ZNF438: variants seen among roughly 807,000 people sequenced by gnomAD.
ZNF438 encodes the protein zinc finger protein 438.
In ZNF438, 25 loss-of-function variants were observed where a neutral mutation model predicts 38.0. That is an observed-to-expected ratio of 0.66 (90% CI 0.48 to 0.92). The LOEUF (loss-of-function observed/expected upper bound fraction) is 0.92. Among genes scored for constraint, ZNF438 ranks in the 40% least tolerant of loss-of-function variants. The pLI is 0.00. For missense variants in ZNF438, 1,007 were observed against 999.6 expected (o/e 1.01, Z -0.10); for synonymous variants, 372 against 364.1 (o/e 1.02, Z -0.25).
At chr10:30,873,401 T>C (rs543466265) in intron 4 of ZNF438, among the ~76,000 whole-genome samples, 11 of 152,342 alleles carry the variant, frequency 7.2e-5, no homozygotes, top group African/African-American at 2.6e-4. Context: ...AACATTTAAA[T>C]AGAAGAAACC....
intron 1 of ZNF438, among the ~76,000 whole-genome samples, chr10:30,949,299 C>A (rs956288142): frequency 6.6e-6 from 1 of 152,068 alleles, no homozygotes; most frequent in Non-Finnish European, 1.5e-5. Flanking sequence ...CAAAATCATG[C>A]CAAAATGTAA....
chr10:31,016,876 C>G, intron 1 of ZNF438, among the ~76,000 whole-genome samples: 1 of 152,180 alleles, frequency 6.6e-6, no homozygotes, highest in East Asian at 1.9e-4. Context: ...CTTCTTCCCA[C>G]TCTGAAATAG....
At chr10:30,901,566 G>C (rs1233974177) in intron 3 of ZNF438, among the ~76,000 whole-genome samples, 1 of 152,136 alleles carries the variant, frequency 6.6e-6, no homozygotes, top group African/African-American at 2.4e-5. Flanking sequence ...CGAATTCTAA[G>C]GAAAAATAGG....
chr10:30,850,639 A>G (rs568274967), intron 4 of ZNF438, among the ~76,000 whole-genome samples: 45 of 152,294 alleles, frequency 3.0e-4, no homozygotes, highest in Non-Finnish European at 4.6e-4. Context: ...GTGTATCTCT[A>G]CTAGTCAACA....
intron 1 of ZNF438, among the ~76,000 whole-genome samples, chr10:30,951,932 C>T (rs1417248369): frequency 3.3e-5 from 5 of 151,404 alleles, no homozygotes; most frequent in East Asian, 1.9e-4. Flanking sequence ...AAAAAGAGCC[C>T]GCATTGCCAA....
chr10:31,025,565 CT>C (rs1220084386), intron 1 of ZNF438, among the ~76,000 whole-genome samples: 1 of 152,136 alleles, frequency 6.6e-6, no homozygotes, highest in Non-Finnish European at 1.5e-5. Flanking sequence ...AAAATACTCC[CT>C]GTAGAATAGT....
intron 1 of ZNF438, among the ~76,000 whole-genome samples, chr10:30,983,544 C>T (rs527554497): frequency 6.6e-6 from 1 of 152,126 alleles, no homozygotes; most frequent in African/African-American, 2.4e-5. Context: ...TCCCATCAGG[C>T]CCCTCCTCCA....
chr10:31,025,792 T>G (rs187091582), intron 1 of ZNF438, among the ~76,000 whole-genome samples: 31 of 152,280 alleles, frequency 2.0e-4, no homozygotes, highest in Admixed American at 1.4e-3. Flanking sequence ...ATTTTAATTT[T>G]TAAGCAACCA....
chr10:30,914,328 G>C (rs781658478), intron 2 of ZNF438, among the ~76,000 whole-genome samples: 4 of 152,010 alleles, frequency 2.6e-5, no homozygotes, highest in Non-Finnish European at 5.9e-5. Flanking sequence ...GAAGTGGGAA[G>C]GTAGATGAGT....
chr10:30,883,897 A>G (rs1038971), intron 3 of ZNF438, among the ~76,000 whole-genome samples: 108,423 of 151,998 alleles, frequency 0.71, 39,183 homozygotes, highest in Non-Finnish European at 0.77. Flanking sequence ...TTTCACTCCA[A>G]AAAAAAGTGT....
intron 1 of ZNF438, among the ~76,000 whole-genome samples, chr10:31,000,130 A>G (rs2054498276): frequency 6.6e-6 from 1 of 152,160 alleles, no homozygotes; most frequent in Admixed American, 6.5e-5. Context: ...TTAGAATCCA[A>G]ACTTTCAGCT....
At chr10:30,849,629 A>T in exon 5 of ZNF438, 6 of 1,614,144 alleles carry the variant, frequency 3.7e-6, no homozygotes, top group Non-Finnish European at 5.1e-6. Context: ...TTGTTCTTTA[A>T]ATTTTTCACT....
intron 3 of ZNF438, among the ~76,000 whole-genome samples, chr10:30,884,347 T>A (rs1416203046): frequency 1.3e-5 from 2 of 151,812 alleles, no homozygotes; most frequent in Non-Finnish European, 2.9e-5. Flanking sequence ...ATCCTCTGAT[T>A]TGATCCTCTG....
At chr10:30,993,702 T>C (rs1183585342) in intron 1 of ZNF438, among the ~76,000 whole-genome samples, 2 of 152,220 alleles carry the variant, frequency 1.3e-5, no homozygotes, top group Non-Finnish European at 2.9e-5. Flanking sequence ...AATGGAGCTG[T>C]GGGAGCAGGA....
chr10:30,861,825 C>A (rs951900803), intron 4 of ZNF438, among the ~76,000 whole-genome samples: 1 of 152,032 alleles, frequency 6.6e-6, no homozygotes, highest in Non-Finnish European at 1.5e-5. Flanking sequence ...ATTTGTAGCA[C>A]GCAAAAGATT....
At chr10:30,990,233 G>T (rs1445901446) in intron 1 of ZNF438, among the ~76,000 whole-genome samples, 1 of 151,914 alleles carries the variant, frequency 6.6e-6, no homozygotes, top group African/African-American at 2.4e-5. Flanking sequence ...AGAACTCTGG[G>T]TAACTGAATA....
intron 4 of ZNF438, among the ~76,000 whole-genome samples, chr10:30,876,410 A>G (rs1459836846): frequency 6.6e-6 from 1 of 152,154 alleles, no homozygotes; most frequent in Non-Finnish European, 1.5e-5. Flanking sequence ...CTTGATGAAG[A>G]AAGGACTCTA....
intron 4 of ZNF438, among the ~76,000 whole-genome samples, chr10:30,859,391 A>T (rs1321367177): frequency 6.6e-6 from 1 of 152,164 alleles, no homozygotes; most frequent in Non-Finnish European, 1.5e-5. Context: ...TCTGTTTTAC[A>T]AGGATTTCTA....
chr10:30,892,106 AG>A (rs2040760228), intron 3 of ZNF438, among the ~76,000 whole-genome samples: 1 of 152,212 alleles, frequency 6.6e-6, no homozygotes, highest in African/African-American at 2.4e-5. Context: ...TCTGGCTGGC[AG>A]GGCTTTGATC....
Sources: gnomAD v4.1 joint callset for allele counts (sites outside exome capture counted in the v4.1 genomes callset) on GRCh38, gnomAD v4.1.1 for gene constraint, MANE v1.5 for transcripts, NCBI Gene and HGNC (gene_info 2026-07-23, HGNC 2026-07-21) for gene names.